DLGAP4: variants seen among roughly 807,000 people sequenced by gnomAD.
The protein encoded by DLGAP4 is DLG associated protein 4.
DLGAP4 carries 18 observed loss-of-function variants against 86.9 expected under a neutral mutation model. The observed-to-expected ratio is 0.21, with a 90% CI of 0.14 to 0.31. DLGAP4 has a LOEUF of 0.31. DLGAP4 is among the 10% of genes least tolerant of loss of function. The pLI, the probability that DLGAP4 is intolerant of heterozygous loss-of-function variation, is 1.00. For missense variants in DLGAP4, 1,085 were observed against 1,362.6 expected, an observed-to-expected ratio of 0.80 and a Z score of 3.21; for synonymous variants, 548 against 574.3, an observed-to-expected ratio of 0.95 and a Z score of 0.65.
chr20:36,374,390 G>A (rs571013318), intron 2 of DLGAP4, among the ~76,000 whole-genome samples: 1 of 152,344 alleles, frequency 6.6e-6, no homozygotes, highest in African/African-American at 2.4e-5. Context: ...CAGAGTGCTG[G>A]AAGAATGTTG....
chr20:36,360,729 C>T (rs957093241), intron 1 of DLGAP4, among the ~76,000 whole-genome samples: 10 of 116,800 alleles, frequency 8.6e-5, no homozygotes, highest in Middle Eastern at 7.7e-3. Flanking sequence ...CTCAGTGGGG[C>T]GGGGCCTGAG....
At chr20:36,336,045 G>GCA (rs2065318375) in intron 1 of DLGAP4, among the ~76,000 whole-genome samples, 1 of 152,158 alleles carries the variant, frequency 6.6e-6, no homozygotes, top group African/African-American at 2.4e-5. Context: ...CCTCCAGAGG[G>GCA]ACAGTTCCCT....
chr20:36,370,678 G>A (rs1004223905), intron 2 of DLGAP4, among the ~76,000 whole-genome samples: 1 of 150,538 alleles, frequency 6.6e-6, no homozygotes, highest in Non-Finnish European at 1.5e-5. Context: ...AAATTAGCCA[G>A]GCATGGTGAT....
chr20:36,467,064 C>CTCTCTCTCTCT lies in DLGAP4; in HGVS notation c.1648+20127_1648+20128insTCTCTCTCTCT, dbSNP rs1555907464. On this transcript the variant is annotated intron_variant, in intron 7 of 12. Transcript: ENST00000339266. The stretch of plus-strand genomic sequence containing the variant: ...TCTCTCTCTCTCTCTCTCTCTCTCT[C>CTCTCTCTCTCT]CCCCCCCCTTCTCTCGGCCCTGCCT... Among the ~76,000 whole-genome samples the CTCTCTCTCTCT allele has an allele frequency of 3.1e-3, 363 of 118,122 alleles. 40 individuals carry two copies. The highest frequency in any genetic ancestry group is 0.016 in the African/African-American group (338 of 20,566). The allele number at this position is 118,122 out of a possible 152,430, so 77.5% of individuals were successfully genotyped here. A position where few individuals can be genotyped will look rare whatever the true frequency, so the allele number is the denominator to read the frequency against.
intron 7 of DLGAP4, among the ~76,000 whole-genome samples, chr20:36,479,487 G>C (rs911286619): frequency 1.3e-5 from 2 of 152,180 alleles, no homozygotes; most frequent in African/African-American, 2.4e-5. Flanking sequence ...TGGTGGGCAA[G>C]GGCCTGTGGT....
intron 6 of DLGAP4, among the ~76,000 whole-genome samples, chr20:36,444,801 C>T (rs915038418): frequency 1.3e-5 from 2 of 151,888 alleles, no homozygotes; most frequent in African/African-American, 2.4e-5. Flanking sequence ...CCACCACGCT[C>T]GGCCAATTTT....
intron 1 of DLGAP4, among the ~76,000 whole-genome samples, chr20:36,320,478 G>C (rs2065157188): frequency 6.6e-6 from 1 of 152,068 alleles, no homozygotes; most frequent in Non-Finnish European, 1.5e-5. Flanking sequence ...GGTGGCAGTG[G>C]GGCTGTGGGG....
rs751406264 is a variant in DLGAP4 at position 36,524,263 on chromosome 20, C to A, written c.2526C>A (p.Val842=). The A allele has an allele frequency of 3.2e-5, 51 of 1,614,062 alleles. No individual in the cohort carries two copies. Among genetic ancestry groups the A allele is most frequent in the Middle Eastern group, 1.6e-4 (1 of 6,084 alleles). Residue 842 remains valine (V), a synonymous_variant, in exon 11 of 13, where the codon GTC becomes GTA. Transcript: ENST00000339266. ...NNLSEEVLGK[V]LSAVGSAQLL... is the part of the protein sequence containing the mutation. ...TCTGTTTCTCAGTCTTAGGAAAAGT[C>A]CTCAGTGCTGTGGGCAGTGCCCAGC... is the stretch of plus-strand genomic sequence containing the variant.
intron 2 of DLGAP4, among the ~76,000 whole-genome samples, chr20:36,417,442 C>T (rs2032689807): frequency 6.6e-6 from 1 of 152,142 alleles, no homozygotes; most frequent in Non-Finnish European, 1.5e-5. Flanking sequence ...AGTATAGTGG[C>T]ACAATCACGG....
intron 1 of DLGAP4, among the ~76,000 whole-genome samples, chr20:36,347,869 C>T (rs2029997688): frequency 6.6e-6 from 1 of 151,290 alleles, no homozygotes; most frequent in Non-Finnish European, 1.5e-5. Context: ...TTATTTATCT[C>T]CCAAATATGA....
At chr20:36,497,336 C>T in intron 8 of DLGAP4, 1 of 1,323,812 alleles carries the variant, frequency 7.6e-7, no homozygotes, top group Non-Finnish European at 9.7e-7. Context: ...ACTCAGCCAG[C>T]CATCTCCTGT....
chr20:36,384,303 T>A (rs1164321786), intron 2 of DLGAP4, among the ~76,000 whole-genome samples: 1 of 152,166 alleles, frequency 6.6e-6, no homozygotes, highest in Non-Finnish European at 1.5e-5. Flanking sequence ...ATGAATCATT[T>A]CCAGGACTGT....
At chr20:36,332,600 G>T (rs1245770637) in intron 1 of DLGAP4, among the ~76,000 whole-genome samples, 1 of 152,100 alleles carries the variant, frequency 6.6e-6, no homozygotes, top group Non-Finnish European at 1.5e-5. Context: ...ATGTTGGTCA[G>T]GCTGGTCTCA....
chr20:36,370,509 G>A (rs2030885374), intron 2 of DLGAP4, among the ~76,000 whole-genome samples: 1 of 151,864 alleles, frequency 6.6e-6, no homozygotes, highest in Non-Finnish European at 1.5e-5. Flanking sequence ...TTAAAGGATA[G>A]GAGTGGGACG....
chr20:36,444,121 G>A (rs2033527176), intron 6 of DLGAP4, among the ~76,000 whole-genome samples: 1 of 152,134 alleles, frequency 6.6e-6, no homozygotes, highest in Non-Finnish European at 1.5e-5. Flanking sequence ...AGTTTTGGAG[G>A]AGAAACACCT....
chr20:36,439,901 G>C, intron 5 of DLGAP4, 33 bp downstream of exon 5: 1 of 1,579,692 alleles, frequency 6.3e-7, no homozygotes, highest in Non-Finnish European at 8.6e-7. Flanking sequence ...AGAGTCAGGG[G>C]GCTTGGGTAC....
intron 2 of DLGAP4, among the ~76,000 whole-genome samples, chr20:36,417,875 C>T (rs1373519313): frequency 6.6e-6 from 1 of 152,102 alleles, no homozygotes; most frequent in African/African-American, 2.4e-5. Flanking sequence ...ACCTCCACCT[C>T]CCAAGTTCAA....
intron 7 of DLGAP4, among the ~76,000 whole-genome samples, chr20:36,479,811 G>A (rs2035105607): frequency 1.3e-5 from 2 of 152,222 alleles, no homozygotes; most frequent in Admixed American, 6.5e-5. Context: ...TGCTGGGCAG[G>A]GCAATGAATC....
chr20:36,495,843 A>T (rs1310653615), intron 7 of DLGAP4, among the ~76,000 whole-genome samples: 7 of 151,830 alleles, frequency 4.6e-5, no homozygotes, highest in South Asian at 2.1e-4. Context: ...ACCCTGAAGG[A>T]TGTGTGTTTT....
Sources: gnomAD v4.1 joint callset for allele counts (sites outside exome capture counted in the v4.1 genomes callset) on GRCh38, gnomAD v4.1.1 for gene constraint, MANE v1.5 for transcripts, NCBI Gene and HGNC (gene_info 2026-07-23, HGNC 2026-07-21) for gene names.